FNDC3A: variants seen among roughly 807,000 people sequenced by gnomAD.
The protein encoded by FNDC3A is fibronectin type-III domain-containing protein 3A.
In FNDC3A, 32 loss-of-function variants were observed where a neutral mutation model predicts 148.9. The observed-to-expected ratio is 0.21, with a 90% CI of 0.16 to 0.29. The LOEUF (loss-of-function observed/expected upper bound fraction) is 0.29. FNDC3A is among the 10% of genes least tolerant of loss of function. The pLI is 1.00. For synonymous variants in FNDC3A, 472 were observed against 473.6 expected (o/e 1.00, Z 0.04); for missense variants, 1,191 against 1,452.8 (o/e 0.82, Z 2.93).
intron 1 of FNDC3A, among the ~76,000 whole-genome samples, chr13:48,989,467 A>G (rs1477290376): frequency 1.3e-5 from 2 of 152,254 alleles, no homozygotes; most frequent in Non-Finnish European, 2.9e-5. Context: ...CATGTTAAAT[A>G]GAGATACTGT....
intron 11 of FNDC3A, among the ~76,000 whole-genome samples, chr13:49,173,398 A>G (rs772948954): frequency 2.6e-5 from 4 of 152,250 alleles, no homozygotes; most frequent in Non-Finnish European, 5.9e-5. Context: ...AGAGTATTTG[A>G]TAAAAATTAC....
At chr13:49,141,418 C>T (rs181451323) in intron 7 of FNDC3A, among the ~76,000 whole-genome samples, 92 of 152,218 alleles carry the variant, frequency 6.0e-4, no homozygotes, top group Admixed American at 6.0e-3. Flanking sequence ...TTACCCCTTC[C>T]CTTTACCTTT....
At chr13:49,049,730 C>CT (rs1875693007) in intron 2 of FNDC3A, among the ~76,000 whole-genome samples, 2 of 148,368 alleles carry the variant, frequency 1.3e-5, no homozygotes, top group African/African-American at 5.0e-5. Context: ...TTTCTTTTTT[C>CT]TTTTTTTGAG....
Position 49,114,704 on chromosome 13 carries a change from C to A in FNDC3A, c.225C>A (p.Ile75=), listed in dbSNP as rs752788136. Reference sequence around the variant, plus strand: ...CCCCAAATGGTTCTGTGCCTCCTATCTATGTGCCTCCTGGATATGCCCCAC... The same window carrying A: ...CCCCAAATGGTTCTGTGCCTCCTATATATGTGCCTCCTGGATATGCCCCAC... ...MMSPNGSVPP[I]YVPPGYAPQV... Residue 75 remains isoleucine (I), a synonymous_variant, in exon 4 of 26, where the codon ATC becomes ATA. Transcript: ENST00000492622. The A allele has an allele frequency of 3.7e-6, 6 of 1,612,470 alleles. No individual in the cohort carries two copies. Among genetic ancestry groups the A allele is most frequent in the Non-Finnish European group, 4.2e-6 (5 of 1,178,568 alleles).
chr13:49,045,896 T>C (rs773560261), intron 2 of FNDC3A: 10 of 240,202 alleles, frequency 4.2e-5, no homozygotes, highest in Non-Finnish European at 5.7e-5. Flanking sequence ...ACAGAGCAAT[T>C]CTAGAGAAGT....
At chr13:49,058,334 G>T (rs1593528588) in intron 2 of FNDC3A, among the ~76,000 whole-genome samples, 1 of 152,188 alleles carries the variant, frequency 6.6e-6, no homozygotes, top group East Asian at 1.9e-4. Context: ...CTTTTTTTAT[G>T]CAAATAACCG....
intron 8 of FNDC3A, among the ~76,000 whole-genome samples, chr13:49,166,287 G>A (rs1326360256): frequency 6.6e-6 from 1 of 152,202 alleles, no homozygotes; most frequent in Non-Finnish European, 1.5e-5. Flanking sequence ...ATGAAGATGT[G>A]CAGCAGCTTC....
intron 3 of FNDC3A, among the ~76,000 whole-genome samples, chr13:49,097,401 G>A (rs1879599994): frequency 1.3e-5 from 2 of 151,668 alleles, no homozygotes; most frequent in African/African-American, 4.8e-5. Context: ...AACAACACTG[G>A]TTGAGGAAAC....
chr13:49,088,941 A>G (rs1878997296), intron 3 of FNDC3A, among the ~76,000 whole-genome samples: 1 of 152,228 alleles, frequency 6.6e-6, no homozygotes, highest in South Asian at 2.1e-4. Context: ...TCACAAAAAG[A>G]TAAATATTGT....
At chr13:49,161,136 C>T (rs569570834) in intron 8 of FNDC3A, among the ~76,000 whole-genome samples, 1 of 152,214 alleles carries the variant, frequency 6.6e-6, no homozygotes, top group South Asian at 2.1e-4. Flanking sequence ...TCTATTAGGT[C>T]CAGTTGGTGC....
chr13:49,136,801 A>G (rs899659133), intron 6 of FNDC3A, among the ~76,000 whole-genome samples, 200 bp downstream of exon 6: 3 of 152,224 alleles, frequency 2.0e-5, no homozygotes, highest in African/African-American at 7.2e-5. Context: ...TCTATTTGAT[A>G]GGAAAACTCA....
intron 2 of FNDC3A, among the ~76,000 whole-genome samples, chr13:49,039,444 T>G (rs1874753467): frequency 6.6e-6 from 1 of 152,158 alleles, no homozygotes; most frequent in South Asian, 2.1e-4. Flanking sequence ...ACTCCAGAGA[T>G]ATCTTTTGCT....
At chr13:49,007,479 T>A (rs1204393301) in intron 2 of FNDC3A, among the ~76,000 whole-genome samples, 2 of 152,116 alleles carry the variant, frequency 1.3e-5, no homozygotes, top group Non-Finnish European at 2.9e-5. Flanking sequence ...TGTCTTCAGT[T>A]ATCATTTGTT....
chr13:49,032,224 C>G (rs182754417), intron 2 of FNDC3A, among the ~76,000 whole-genome samples: 7 of 151,464 alleles, frequency 4.6e-5, no homozygotes, highest in African/African-American at 9.7e-5. Context: ...TGGGAAATAG[C>G]CTGGCAGTTC....
At chr13:49,205,301 A>G (rs1455744023) in intron 25 of FNDC3A, among the ~76,000 whole-genome samples, 1 of 152,222 alleles carries the variant, frequency 6.6e-6, no homozygotes, top group Non-Finnish European at 1.5e-5. Context: ...TGGAAAGTAT[A>G]AAGACAAAAA....
chr13:49,063,333 A>G (rs758777045), intron 2 of FNDC3A, among the ~76,000 whole-genome samples: 3 of 152,180 alleles, frequency 2.0e-5, no homozygotes, highest in Non-Finnish European at 4.4e-5. Flanking sequence ...TAAATATACT[A>G]AAAACATTTA....
At chr13:49,035,487 G>A (rs921232444) in intron 2 of FNDC3A, among the ~76,000 whole-genome samples, 1 of 151,924 alleles carries the variant, frequency 6.6e-6, no homozygotes, top group Admixed American at 6.6e-5. Context: ...TAAATTAAAA[G>A]CTGCATACCT....
At chr13:49,173,663 T>C (rs981116793) in intron 11 of FNDC3A, among the ~76,000 whole-genome samples, 5 of 152,194 alleles carry the variant, frequency 3.3e-5, no homozygotes, top group African/African-American at 9.7e-5. Context: ...AGAGATGATA[T>C]GATTTTCTAC....
intron 3 of FNDC3A, among the ~76,000 whole-genome samples, chr13:49,090,465 GGGGGTCTGTGCTTTGACCTCTGACT>G (rs903830253): frequency 5.9e-5 from 9 of 152,016 alleles, no homozygotes; most frequent in Non-Finnish European, 1.3e-4. Context: ...TGCACAGATC[GGGGGTCTGTGCTTTGACCTCTGACT>G]GGGGTCTGTG....
Sources: gnomAD v4.1 joint callset for allele counts (sites outside exome capture counted in the v4.1 genomes callset) on GRCh38, gnomAD v4.1.1 for gene constraint, MANE v1.5 for transcripts, NCBI Gene and HGNC (gene_info 2026-07-23, HGNC 2026-07-21) for gene names.